PLPP1: variants seen among roughly 807,000 people sequenced by gnomAD.
The protein encoded by PLPP1 is lipid phosphate phosphohydrolase 1a.
Under a neutral mutation model 31.2 loss-of-function variants are expected in PLPP1, and 24 were observed. That is an observed-to-expected ratio of 0.77 (90% CI 0.56 to 1.08). PLPP1 has a LOEUF of 1.08. PLPP1 is among the 50% of genes least tolerant of loss of function. The pLI is 0.00. For missense variants in PLPP1, 319 were observed against 342.7 expected (o/e 0.93, Z 0.55); for synonymous variants, 146 against 126.3 (o/e 1.16, Z -1.05).
chr5:55,467,263 G>A (rs1016217733), intron 3 of PLPP1, among the ~76,000 whole-genome samples: 4 of 152,148 alleles, frequency 2.6e-5, no homozygotes, highest in Admixed American at 6.5e-5. Flanking sequence ...CTGTGGCAGC[G>A]CTGTTTTTGT....
chr5:55,436,475 A>G (rs2052862), intron 4 of PLPP1, among the ~76,000 whole-genome samples: 132,392 of 152,212 alleles, frequency 0.87, 57,828 homozygotes, highest in South Asian at 0.92. Flanking sequence ...CCATGCTTGT[A>G]AGGCCTCCTA....
chr5:55,507,800 T>C (rs376928066), intron 1 of PLPP1, among the ~76,000 whole-genome samples: 25 of 152,022 alleles, frequency 1.6e-4, no homozygotes, highest in East Asian at 1.6e-3. Context: ...AAAGTACAGA[T>C]AAAAGGTCAC....
intron 2 of PLPP1, among the ~76,000 whole-genome samples, chr5:55,472,828 T>C (rs1752451647): frequency 6.6e-6 from 1 of 152,206 alleles, no homozygotes; most frequent in South Asian, 2.1e-4. Context: ...TAATGAAATA[T>C]AATTCATGAG....
chr5:55,433,586 G>A (rs1265929155), intron 4 of PLPP1, among the ~76,000 whole-genome samples: 1 of 144,212 alleles, frequency 6.9e-6, no homozygotes, highest in Non-Finnish European at 1.5e-5. Context: ...TGCAACTTCC[G>A]CCTCCCAGGT....
rs780401378 is a variant in PLPP1 at position 55,425,294 on chromosome 5, AAAG to A, written c.764_766del (p.Ser255del). ...AGAGTCCTCCTCTTTTCTTTCTTTAAAAGAAGTTCTTTCTTTGAAGAAATCCGA... is the reference window on the plus strand; with the variant it reads ...AGAGTCCTCCTCTTTTCTTTCTTTAAAAGTTCTTTCTTTGAAGAAATCCGA... On this transcript the variant is annotated inframe_deletion, in exon 6 of 6. Coordinates refer to ENST00000307259, the MANE Select transcript of PLPP1 (RefSeq NM_003711.4). The A allele has an allele frequency of 4.3e-6, 7 of 1,610,300 alleles. No individual in the cohort carries two copies. The highest frequency in any genetic ancestry group is 1.1e-5 in the South Asian group (1 of 90,892).
At chr5:55,514,991 T>C (rs539714348) in intron 1 of PLPP1, among the ~76,000 whole-genome samples, 6 of 152,338 alleles carry the variant, frequency 3.9e-5, no homozygotes, top group Non-Finnish European at 7.3e-5. Context: ...TATACACAGA[T>C]TGTCATTTAA....
chr5:55,468,715 A>G (rs940686066), intron 2 of PLPP1, among the ~76,000 whole-genome samples: 11 of 152,150 alleles, frequency 7.2e-5, no homozygotes, highest in African/African-American at 2.4e-4. Flanking sequence ...AGGCAGGAGA[A>G]TCACTTGAAC....
In PLPP1 at chr5:55,424,876, A is replaced by C. The variant is rs970582648; in HGVS notation, c.*330T>G. The C allele has an allele frequency of 2.7e-6, 2 of 750,578 alleles. No homozygotes were observed. Among genetic ancestry groups the C allele is most frequent in the South Asian group, 3.4e-5 (2 of 58,822 alleles). 46.5% of individuals were successfully genotyped at this position (750,578 alleles called of 1,614,324 possible). On this transcript the variant is annotated 3_prime_UTR_variant, in exon 6 of 6. Coordinates refer to ENST00000307259, the MANE Select transcript of PLPP1 (RefSeq NM_003711.4). ...GGATTTGGTTCTCCCATACATTTTA[A>C]TATGTATTATATTTAAATCAAACAT...
intron 1 of PLPP1, chr5:55,530,729 G>A: frequency 6.4e-7 from 1 of 1,573,846 alleles, no homozygotes; most frequent in Non-Finnish European, 8.7e-7. Context: ...CGACACAGGG[G>A]ACAATGTGCT....
At chr5:55,481,438 G>A (rs1752666309) in intron 1 of PLPP1, among the ~76,000 whole-genome samples, 1 of 152,122 alleles carries the variant, frequency 6.6e-6, no homozygotes, top group Non-Finnish European at 1.5e-5. Context: ...AAGAGAGAGT[G>A]GCATGCAACT....
At chr5:55,447,510 T>G (rs923790480) in intron 3 of PLPP1, among the ~76,000 whole-genome samples, 6 of 152,214 alleles carry the variant, frequency 3.9e-5, no homozygotes, top group Non-Finnish European at 7.3e-5. Context: ...ACAGCGTTTC[T>G]ACTTTCACAA....
chr5:55,517,250 G>A (rs773313668), intron 1 of PLPP1, among the ~76,000 whole-genome samples: 35 of 152,244 alleles, frequency 2.3e-4, no homozygotes, highest in Non-Finnish European at 4.1e-4. Flanking sequence ...GTATAGTGGT[G>A]CAATCACAGC....
chr5:55,426,047 A>AAAAG lies in PLPP1; in HGVS notation c.550-12_550-9dup, dbSNP rs749308277. 7 of 1,572,436 alleles carry AAAAG rather than the reference A, an allele frequency of 4.5e-6. No homozygotes were observed. The highest frequency in any genetic ancestry group is 4.1e-5 in the African/African-American group (3 of 72,558). ...CCTGGCTTGAAGATAAAGCTAAAAG[A>AAAAG]AAAGAATAAAGAAAAAAATAGTTTA... On this transcript the variant is annotated splice_polypyrimidine_tract_variant and intron_variant, in intron 4 of 5. Transcript: ENST00000307259.
At chr5:55,459,001 A>G (rs1752091433) in intron 3 of PLPP1, among the ~76,000 whole-genome samples, 1 of 151,356 alleles carries the variant, frequency 6.6e-6, no homozygotes, top group African/African-American at 2.4e-5. Flanking sequence ...TTCAGTCTGG[A>G]TTAAAAAGAA....
intron 2 of PLPP1, among the ~76,000 whole-genome samples, chr5:55,473,816 A>G (rs1477849306): frequency 2.3e-5 from 1 of 42,816 alleles, no homozygotes; most frequent in African/African-American, 5.5e-5. Context: ...TGCCCACCAT[A>G]CCTGGCCTTT....
intron 1 of PLPP1, among the ~76,000 whole-genome samples, chr5:55,494,733 GTACTTTAACTT>G (rs1413111981): frequency 7.2e-5 from 11 of 152,024 alleles, no homozygotes; most frequent in African/African-American, 1.4e-4. Flanking sequence ...CTATCACGCT[GTACTTTAACTT>G]TTTATGTGTG....
intron 1 of PLPP1, among the ~76,000 whole-genome samples, chr5:55,510,049 A>T (rs1187819814): frequency 6.6e-6 from 1 of 152,190 alleles, no homozygotes; most frequent in African/African-American, 2.4e-5. Flanking sequence ...TCTCCTGGCC[A>T]CTTATCGGGA....
chr5:55,431,810 A>C (rs957353320), intron 4 of PLPP1, among the ~76,000 whole-genome samples: 7 of 152,260 alleles, frequency 4.6e-5, no homozygotes, highest in East Asian at 3.8e-4. Flanking sequence ...CAACAAAAAA[A>C]GTTGCTTTTA....
At chr5:55,462,133 T>C (rs1413095211) in intron 3 of PLPP1, among the ~76,000 whole-genome samples, 1 of 152,190 alleles carries the variant, frequency 6.6e-6, no homozygotes, top group Non-Finnish European at 1.5e-5. Context: ...ATCTATATAT[T>C]TGAAGCAATC....
Sources: allele counts gnomAD v4.1 joint callset (sites outside exome capture counted in the v4.1 genomes callset), GRCh38; gene constraint gnomAD v4.1.1; transcripts MANE v1.5; gene names NCBI Gene and HGNC (gene_info 2026-07-23, HGNC 2026-07-21).